Variants in FAM120C observed in about 807,000 individuals in gnomAD.
FAM120C encodes family with sequence similarity 120 member C.
FAM120C carries 14 observed loss-of-function variants against 71.2 expected under a neutral mutation model. That is an observed-to-expected ratio of 0.20 (90% confidence interval 0.13 to 0.31). The LOEUF (loss-of-function observed/expected upper bound fraction) is 0.31, where lower values mean the gene tolerates loss of function less well. FAM120C is among the 10% of genes least tolerant of loss of function. The pLI is 1.00. For synonymous variants in FAM120C, 354 were observed against 353.2 expected (o/e 1.00, Z -0.03); for missense variants, 500 against 879.0 (o/e 0.57, Z 5.45).
In FAM120C at chrX:54,071,239, G is replaced by A. The variant is rs964951325; in HGVS notation, c.*1794C>T. 8.9e-6 allele frequency: 1 copy of A among 112,288 alleles called. No individual in the cohort carries two copies. The highest frequency in any genetic ancestry group is 3.2e-5 in the African/African-American group (1 of 30,971). 9.3% of individuals were successfully genotyped at this position (112,288 alleles called of 1,213,427 possible). Reference sequence around the variant, plus strand: ...CCAAGGAGGGAAACTGGAAATGCAAGGTTGTCTCAAGATTATCTCCAGCAA... The same window carrying A: ...CCAAGGAGGGAAACTGGAAATGCAAAGTTGTCTCAAGATTATCTCCAGCAA... On this transcript the variant is annotated 3_prime_UTR_variant, in exon 16 of 16. Coordinates refer to ENST00000375180, the MANE Select transcript of FAM120C (RefSeq NM_017848.6).
chrX:54,073,353 T>A, intron 15 of FAM120C, 66 bp from the exon 16 acceptor site: 1 of 1,092,014 alleles, frequency 9.2e-7, no homozygotes, highest in Non-Finnish European at 1.2e-6. Flanking sequence ...CCTAAGCATA[T>A]TCATAAGCTA....
intron 10 of FAM120C, among the ~76,000 whole-genome samples, chrX:54,096,316 TG>T (rs1186437480): frequency 9.0e-6 from 1 of 110,770 alleles, no homozygotes; most frequent in African/African-American, 3.3e-5. Context: ...GAGGCTGAGG[TG>T]GGAGAATTGC....
At chrX:54,144,402 A>G (rs2067143536) in intron 4 of FAM120C, among the ~76,000 whole-genome samples, 1 of 112,226 alleles carries the variant, frequency 8.9e-6, no homozygotes, top group Non-Finnish European at 1.9e-5. Context: ...ACATGACTGT[A>G]TATTTAGAAA....
chrX:54,073,360 G>A (rs1459062135), intron 15 of FAM120C, 73 bp from the exon 16 acceptor site: 6 of 1,055,865 alleles, frequency 5.7e-6, no homozygotes, highest in Non-Finnish European at 7.5e-6. Flanking sequence ...ATATTCATAA[G>A]CTAGCCTGAG....
intron 4 of FAM120C, among the ~76,000 whole-genome samples, chrX:54,142,962 A>T (rs1196860552): frequency 8.9e-6 from 1 of 111,897 alleles, no homozygotes; most frequent in Non-Finnish European, 1.9e-5. Context: ...TCCGCTGGTG[A>T]TACCCAGGTA....
chrX:54,085,606 T>C (rs1336785903), intron 13 of FAM120C, 109 bp downstream of exon 13: 13 of 717,338 alleles, frequency 1.8e-5, no homozygotes, highest in Non-Finnish European at 2.2e-5. Flanking sequence ...AAAAAGTCAA[T>C]GAGATGAGAT....
At chrX:54,148,718 A>G (rs900708079) in intron 4 of FAM120C, among the ~76,000 whole-genome samples, 2 of 111,946 alleles carry the variant, frequency 1.8e-5, no homozygotes, top group Non-Finnish European at 3.8e-5. Flanking sequence ...CTACGCACCT[A>G]TTAGAACAGC....
chrX:54,143,212 G>A, intron 4 of FAM120C, among the ~76,000 whole-genome samples: 1 of 111,136 alleles, frequency 9.0e-6, no homozygotes, highest in Non-Finnish European at 1.9e-5. Context: ...AGAGAAAGCA[G>A]GAAAGATCTA....
Position 54,133,407 on chromosome X carries a change from G to A in FAM120C, c.1890+366C>T, listed in dbSNP as rs1471179456. Among the ~76,000 whole-genome samples the A allele has an allele frequency of 2.7e-5, 3 of 112,518 alleles. No individual in the cohort carries two copies. In the South Asian group the frequency reaches 1.1e-3, roughly 42 times the overall value. ...AAAGTCCACCTTAGGCATTTTGCTC[G>A]AGGATGGACATGTATAAGACCAGAG... is the stretch of plus-strand genomic sequence containing the variant. On this transcript the variant is annotated intron_variant, in intron 8 of 15. Transcript: ENST00000375180.
intron 4 of FAM120C, among the ~76,000 whole-genome samples, chrX:54,144,660 A>G (rs1177181976): frequency 8.9e-6 from 1 of 112,255 alleles, no homozygotes; most frequent in African/African-American, 3.2e-5. Context: ...TCAATGAAAT[A>G]AAAGAGGACA....
At chrX:54,111,318 T>C (rs782147887) in intron 10 of FAM120C, among the ~76,000 whole-genome samples, 1 of 110,795 alleles carries the variant, frequency 9.0e-6, no homozygotes, top group Non-Finnish European at 1.9e-5. Context: ...ATATAAGACA[T>C]CCAAATGGGA....
intron 15 of FAM120C, among the ~76,000 whole-genome samples, chrX:54,078,420 G>A (rs2066747708): frequency 8.9e-6 from 1 of 111,859 alleles, no homozygotes; most frequent in African/African-American, 3.2e-5. Context: ...AGAAAAAGCT[G>A]AGAAGCTTTG....
intron 1 of FAM120C, among the ~76,000 whole-genome samples, chrX:54,174,545 C>T (rs2067306061): frequency 8.9e-6 from 1 of 111,907 alleles, no homozygotes. Flanking sequence ...GACTTTTTTG[C>T]AACATTTCTC....
rs1224767599 is a variant in FAM120C at position 54,182,900 on chromosome X, C to T, written c.299G>A (p.Gly100Glu). ...HFHHHGQAQPGLHPPLPPPPP... is the reference protein window; with the variant it reads ...HFHHHGQAQPELHPPLPPPPP... ...CGGCGGCGGCAGCGGAGGGTGCAGC[C>T]CGGGCTGCGCTTGGCCATGATGGTG... The change falls in exon 1 of 16, where the codon GGG becomes GAG. Residue 100 changes from glycine to glutamate, a missense_variant. Transcript: ENST00000375180. 1.0e-5 allele frequency: 12 copies of T among 1,150,083 alleles called. No individual in the cohort carries two copies. Among genetic ancestry groups the T allele is most frequent in the Non-Finnish European group, 1.4e-5 (12 of 866,892 alleles). The allele number at this position is 1,150,083 out of a possible 1,213,427, so 94.8% of individuals were successfully genotyped here.
At chrX:54,182,422 A>G in intron 1 of FAM120C, 78 bp downstream of exon 1, 1 of 1,073,940 alleles carries the variant, frequency 9.3e-7, no homozygotes, top group Non-Finnish European at 1.2e-6. Flanking sequence ...GTAGTGGGTA[A>G]GTGGGTAGGT....
chrX:54,130,132 T>TGGGGAG (rs1374496532), intron 9 of FAM120C, among the ~76,000 whole-genome samples: 1 of 13,247 alleles, frequency 7.5e-5, no homozygotes, highest in African/African-American at 3.2e-4. Context: ...AGGGAGACCG[T>TGGGGAG]GGGGAGAGGG....
Position 54,072,869 on chromosome X carries a change from C to T in FAM120C, c.*164G>A. 1.7e-6 allele frequency: 1 copy of T among 573,340 alleles called. No homozygotes were observed. Among genetic ancestry groups the T allele is most frequent in the Non-Finnish European group, 2.6e-6 (1 of 379,704 alleles). The allele number at this position is 573,340 out of a possible 1,213,427, so 47.2% of individuals were successfully genotyped here. A position where few individuals can be genotyped will look rare whatever the true frequency, so the allele number is the denominator to read the frequency against. Reference sequence around the variant, plus strand: ...AAACAGACCACTGAATCTGAAGTCCCAGAAACAGGCAGGGAAGGGGAAAAG... The same window carrying T: ...AAACAGACCACTGAATCTGAAGTCCTAGAAACAGGCAGGGAAGGGGAAAAG... On this transcript the variant is annotated 3_prime_UTR_variant, in exon 16 of 16. Transcript: ENST00000375180.
At position 54,071,627 on chromosome X, in the gene FAM120C, C is replaced by T. The variant is rs2066709097; in HGVS notation, c.*1406G>A. 8.9e-6 allele frequency: 1 copy of T among 111,869 alleles called. No homozygotes were observed. The highest frequency in any genetic ancestry group is 9.5e-5 in the Admixed American group (1 of 10,489). The allele number at this position is 111,869 out of a possible 1,213,427, so 9.2% of individuals were successfully genotyped here. On this transcript the variant is annotated 3_prime_UTR_variant, in exon 16 of 16. Coordinates refer to ENST00000375180, the MANE Select transcript of FAM120C (RefSeq NM_017848.6). ...CACCTCCCATCCCCCCTTTTCTCTC[C>T]AAACCTTCATAAGGAAATGCCCAAC... is the stretch of plus-strand genomic sequence containing the variant.
At position 54,077,620 on chromosome X, in the gene FAM120C, C is replaced by A. The variant is rs1165215932; in HGVS notation, c.3036+2612G>T. ...TTTGCTTGAGCCTGGGAGGTTGAGG[C>A]TGCAGTGCACTGCACTCTAGCTTGG... On this transcript the variant is annotated intron_variant, in intron 15 of 15. Coordinates refer to ENST00000375180, the MANE Select transcript of FAM120C (RefSeq NM_017848.6). Among the ~76,000 whole-genome samples the A allele has an allele frequency of 4.5e-5, 5 of 111,010 alleles. No homozygotes were observed. In the East Asian group the frequency reaches 1.4e-3, roughly 31 times the overall value.
Sources: gnomAD v4.1 joint callset for allele counts (sites outside exome capture counted in the v4.1 genomes callset) on GRCh38, gnomAD v4.1.1 for gene constraint, MANE v1.5 for transcripts, NCBI Gene and HGNC (gene_info 2026-07-23, HGNC 2026-07-21) for gene names.